POLG2: variants seen among roughly 807,000 people sequenced by gnomAD.
POLG2 encodes DNA polymerase gamma 2, accessory subunit.
Under a neutral mutation model 56.5 loss-of-function variants are expected in POLG2, and 50 were observed. The ratio of observed to expected loss-of-function variants is 0.88; its 90% CI spans 0.71 to 1.12. POLG2 has a LOEUF of 1.12. Among genes scored for constraint, POLG2 ranks in the 50% most tolerant of loss-of-function variants. The probability of loss-of-function intolerance (pLI) is 0.00; values close to 1 mark genes in which losing one functional copy is unlikely to be tolerated. For missense variants in POLG2, 584 were observed against 583.3 expected (o/e 1.00, Z -0.01); for synonymous variants, 226 against 222.6 (o/e 1.02, Z -0.14).
intron 1 of POLG2, among the ~76,000 whole-genome samples, chr17:64,494,792 C>G (rs1323720754): frequency 4.6e-5 from 7 of 152,118 alleles, no homozygotes; most frequent in African/African-American, 1.7e-4. Context: ...CTTTTTAGCA[C>G]CATAAAGTGT....
chr17:64,483,094 A>T, intron 5 of POLG2, 95 bp from the exon 6 acceptor site: 1 of 668,056 alleles, frequency 1.5e-6, no homozygotes, highest in Non-Finnish European at 2.7e-6. Flanking sequence ...CACAAGTATT[A>T]ACAAACAGTT....
chr17:64,483,184 G>T (rs1295172089), intron 5 of POLG2, among the ~76,000 whole-genome samples, 185 bp from the exon 6 acceptor site: 4 of 152,104 alleles, frequency 2.6e-5, no homozygotes, highest in Admixed American at 2.6e-4. Flanking sequence ...ATATTCAGCT[G>T]CCCCCCAGAT....
chr17:64,492,804 T>G, intron 2 of POLG2, 32 bp from the exon 3 acceptor site: 1 of 1,596,904 alleles, frequency 6.3e-7, no homozygotes, highest in Non-Finnish European at 8.6e-7. Flanking sequence ...GGAAGTTAGC[T>G]TATCTGAAAA....
chr17:64,491,604 G>C lies in POLG2; in HGVS notation c.796-635C>G. On this transcript the variant is annotated intron_variant, in intron 3 of 7. Coordinates refer to ENST00000539111, the MANE Select transcript of POLG2 (RefSeq NM_007215.4). ...GCTGCCAAGCTGGATCTTGATGTGG[G>C]ACTTCAGCCCTAGTGGCCTTGATGG... The C allele has an allele frequency of 2.6e-6, 4 of 1,540,864 alleles. No homozygotes were observed. The South Asian group carries it at 4.5e-5, about 17-fold the overall frequency.
chr17:64,492,628 A>T, intron 3 of POLG2, 39 bp downstream of exon 3: 1 of 1,162,426 alleles, frequency 8.6e-7, no homozygotes. Context: ...AAGACAATTT[A>T]TGTATTAACT....
intron 1 of POLG2, among the ~76,000 whole-genome samples, chr17:64,493,881 C>CATTTT (rs1555669030): frequency 6.6e-6 from 1 of 152,164 alleles, no homozygotes; most frequent in African/African-American, 2.4e-5. Context: ...CAATTATCAA[C>CATTTT]ATTTTGCCAC....
At chr17:64,486,376 A>T (rs1425319598) in intron 4 of POLG2, among the ~76,000 whole-genome samples, 1,703 of 147,594 alleles carry the variant, frequency 0.012, 29 homozygotes, top group Non-Finnish European at 0.02. Flanking sequence ...TTTTTTTTTA[A>T]TACAGACAGA....
Position 64,492,891 on chromosome 17 carries a change from A to G in POLG2, c.689+4T>C, listed in dbSNP as rs1349323347. ...AAGGCCAAGTTATTTGCCACTTTTT[A>G]TACCTTTTAACACCATTTCGTATCT... On this transcript the variant is annotated splice_donor_region_variant and intron_variant, in intron 2 of 7. Transcript: ENST00000539111. 6.2e-7 allele frequency: 1 copy of G among 1,613,984 alleles called. No homozygotes were observed. The highest frequency in any genetic ancestry group is 1.3e-5 in the African/African-American group (1 of 74,928).
chr17:64,490,183 A>G (rs1218140855), intron 4 of POLG2, among the ~76,000 whole-genome samples: 2 of 152,170 alleles, frequency 1.3e-5, no homozygotes, highest in African/African-American at 4.8e-5. Flanking sequence ...TCGGCCTCAC[A>G]AAGTGCTGGG....
At position 64,477,813 on chromosome 17, in the gene POLG2, A is replaced by G. The variant is rs1555665779; in HGVS notation, c.*10T>C. 3 of 1,558,758 alleles carry G rather than the reference A, an allele frequency of 1.9e-6. No individual in the cohort carries two copies. The highest frequency in any genetic ancestry group is 1.2e-5 in the South Asian group (1 of 81,744). On this transcript the variant is annotated 3_prime_UTR_variant, in exon 8 of 8. Transcript: ENST00000539111. ...GGAGAGAAGAATATTTATTATACAA[A>G]TATAAAAATCTATACATTCTTAGCT... is the stretch of plus-strand genomic sequence containing the variant.
intron 5 of POLG2, among the ~76,000 whole-genome samples, chr17:64,484,664 G>T (rs868957156): frequency 6.6e-6 from 1 of 152,104 alleles, no homozygotes; most frequent in East Asian, 1.9e-4. Context: ...ATTTGCTGAT[G>T]GTTTGGAAGT....
At chr17:64,489,378 G>A (rs1271652146) in intron 4 of POLG2, among the ~76,000 whole-genome samples, 4 of 150,834 alleles carry the variant, frequency 2.7e-5, no homozygotes, top group Non-Finnish European at 5.9e-5. Context: ...AAAAAAAAGG[G>A]AAGGGGAAAA....
chr17:64,495,991 G>A (rs943779129), intron 1 of POLG2, among the ~76,000 whole-genome samples: 1 of 152,216 alleles, frequency 6.6e-6, no homozygotes, highest in Non-Finnish European at 1.5e-5. Context: ...TTACAGGCGT[G>A]AGCCACTGCG....
At position 64,480,521 on chromosome 17, in the gene POLG2, T is replaced by C. The variant is rs7225672; in HGVS notation, c.1192-132A>G. The C allele has an allele frequency of 0.17, 86,521 of 522,576 alleles. 16,153 individuals are homozygous for C. The highest frequency in any genetic ancestry group is 0.7 in the African/African-American group (36,071 of 51,532). 32.4% of individuals were successfully genotyped at this position (522,576 alleles called of 1,614,324 possible). On this transcript the variant is annotated intron_variant, in intron 6 of 7. Transcript: ENST00000539111. ...GTATGTTTCTTTAATTATGTGATGT[T>C]AATGTTTATAACTTCCATATCATAT...
intron 7 of POLG2, among the ~76,000 whole-genome samples, chr17:64,478,260 G>A (rs1555665879): frequency 6.6e-6 from 1 of 151,860 alleles, no homozygotes; most frequent in Non-Finnish European, 1.5e-5. Flanking sequence ...ATCATTTGGG[G>A]TGATATCACA....
At chr17:64,491,869 A>T in intron 3 of POLG2, 1 of 318,944 alleles carries the variant, frequency 3.1e-6, no homozygotes, top group Non-Finnish European at 5.9e-6. Flanking sequence ...ATTGTTGCTG[A>T]ATCCTTTCAT....
At chr17:64,486,142 G>A (rs1396534931) in intron 4 of POLG2, among the ~76,000 whole-genome samples, 1 of 152,148 alleles carries the variant, frequency 6.6e-6, no homozygotes, top group Non-Finnish European at 1.5e-5. Flanking sequence ...CTGGGCCCAC[G>A]AAGACGATAA....
intron 1 of POLG2, among the ~76,000 whole-genome samples, chr17:64,495,296 G>A (rs990800404): frequency 6.6e-6 from 1 of 151,892 alleles, no homozygotes; most frequent in African/African-American, 2.4e-5. Context: ...TAAAAATCAT[G>A]AGGCTGGGCA....
intron 4 of POLG2, among the ~76,000 whole-genome samples, chr17:64,486,342 A>T (rs1555667470): frequency 2.0e-4 from 29 of 145,568 alleles, no homozygotes; most frequent in South Asian, 6.5e-4. Flanking sequence ...GCTCAGAGTT[A>T]GTATTCAGAA....
Sources: allele counts gnomAD v4.1 joint callset (sites outside exome capture counted in the v4.1 genomes callset), GRCh38; gene constraint gnomAD v4.1.1; transcripts MANE v1.5; gene names NCBI Gene and HGNC (gene_info 2026-07-23, HGNC 2026-07-21).